The following RIMBP2 variants were observed in gnomAD, a reference collection of about 807,000 sequenced individuals.
RIMBP2 encodes the protein RIMS binding protein 2.
A neutral mutation model predicts 118.6 loss-of-function variants in RIMBP2; 48 were observed. The ratio of observed to expected loss-of-function variants is 0.40; its 90% CI spans 0.32 to 0.51. The LOEUF (loss-of-function observed/expected upper bound fraction) is 0.51, where lower values mean the gene tolerates loss of function less well. Among genes scored for constraint, RIMBP2 ranks in the 20% least tolerant of loss-of-function variants. The pLI is 0.41. For synonymous variants in RIMBP2, 762 were observed against 742.9 expected (o/e 1.03, Z -0.42); for missense variants, 1,551 against 1,768.3 (o/e 0.88, Z 2.20).
chr12:130,599,901 C>T (rs1366707349), intron 2 of RIMBP2, among the ~76,000 whole-genome samples: 2 of 152,162 alleles, frequency 1.3e-5, no homozygotes, highest in Non-Finnish European at 2.9e-5. Flanking sequence ...GAGGGTAAAC[C>T]TGCCCCATTC....
intron 3 of RIMBP2, among the ~76,000 whole-genome samples, chr12:130,512,301 A>G (rs550257674): frequency 2.9e-4 from 44 of 150,348 alleles, no homozygotes; most frequent in Admixed American, 1.1e-3. Flanking sequence ...CGCTGCATCA[A>G]GGTCTCTGCC....
rs148236801 is a variant in RIMBP2, at chr12:130,407,504, G to A, written c.3693+222C>T. 3.5e-3 allele frequency among the ~76,000 whole-genome samples: 531 copies of A among 152,300 alleles called. 3 individuals carry two copies. Among genetic ancestry groups the A allele is most frequent in the African/African-American group, 0.011 (456 of 41,560 alleles). On this transcript the variant is annotated intron_variant, in intron 20 of 22. Transcript: ENST00000690449. The stretch of plus-strand genomic sequence containing the variant: ...GGCACAGGAAAATCTGGGCCATGGG[G>A]ACAGGGCTTGTCAGGGGCTGGCCAT...
intron 2 of RIMBP2, among the ~76,000 whole-genome samples, chr12:130,592,858 T>G (rs925898843): frequency 6.6e-6 from 1 of 152,060 alleles, no homozygotes; most frequent in Non-Finnish European, 1.5e-5. Context: ...GACAGCGAGC[T>G]GGTGAGGATC....
chr12:130,542,349 C>T (rs1235552872), intron 2 of RIMBP2, among the ~76,000 whole-genome samples: 1 of 152,122 alleles, frequency 6.6e-6, no homozygotes, highest in East Asian at 1.9e-4. Context: ...GCACATTTTC[C>T]ATAGGACATC....
At chr12:130,585,513 G>A (rs1427924902) in intron 2 of RIMBP2, among the ~76,000 whole-genome samples, 1 of 151,746 alleles carries the variant, frequency 6.6e-6, no homozygotes, top group African/African-American at 2.4e-5. Context: ...TCGGGAGGCT[G>A]AGGTGGGAGA....
In RIMBP2 at chr12:130,399,662, T is replaced by A. The variant is rs1245167395; in HGVS notation, c.3900+17A>T. 1 of 1,613,922 alleles carries A rather than the reference T, an allele frequency of 6.2e-7. No homozygotes were observed. The highest frequency in any genetic ancestry group is 2.2e-5 in the East Asian group (1 of 44,880). The stretch of plus-strand genomic sequence containing the variant: ...AGAACGGGACAGAGATTAAAAAGGC[T>A]AAATAGGTTTGCTTACCCTTTTTGC... On this transcript the variant is annotated intron_variant, in intron 22 of 22. Coordinates refer to ENST00000690449, the MANE Select transcript of RIMBP2 (RefSeq NM_001393629.1).
In RIMBP2 at chr12:130,617,650, A is replaced by C. The variant is rs372491209; in HGVS notation, c.-217+10672T>G. ...TTCAGCTGAAGCTTCAGAAAGTAAC[A>C]GAGAGGGCCTTGGGCTGAGTGTCTA... On this transcript the variant is annotated intron_variant, in intron 2 of 22. Coordinates refer to ENST00000690449, the MANE Select transcript of RIMBP2 (RefSeq NM_001393629.1). This position sits in a 1 kb window ranked among gnomAD's most constrained non-coding sequence, Gnocchi z 4.6. Among the ~76,000 whole-genome samples, 1 of 152,222 alleles carries C rather than the reference A, an allele frequency of 6.6e-6. No individual in the cohort carries two copies. The highest frequency in any genetic ancestry group is 1.9e-4 in the East Asian group (1 of 5,192).
intron 1 of RIMBP2, among the ~76,000 whole-genome samples, chr12:130,643,269 A>G (rs2062703797): frequency 1.3e-5 from 2 of 152,344 alleles, no homozygotes; most frequent in South Asian, 2.1e-4. Context: ...GGGCCACAGC[A>G]GCAGCTCCCC....
chr12:130,441,561 C>G (rs928435518), intron 11 of RIMBP2, among the ~76,000 whole-genome samples: 2 of 152,060 alleles, frequency 1.3e-5, no homozygotes, highest in Non-Finnish European at 2.9e-5. Context: ...AAGATGTAAC[C>G]GTGTCCCCTG....
chr12:130,701,547 C>T (rs1444342223), intron 1 of RIMBP2, among the ~76,000 whole-genome samples: 1 of 151,980 alleles, frequency 6.6e-6, no homozygotes, highest in East Asian at 1.9e-4. Context: ...CAGTCAGGCC[C>T]GCGTCTGAAC....
At chr12:130,443,519 G>A (rs967341105) in intron 10 of RIMBP2, among the ~76,000 whole-genome samples, 9 of 152,186 alleles carry the variant, frequency 5.9e-5, no homozygotes, top group Admixed American at 3.3e-4. Context: ...GGGAAATGCT[G>A]AGCATTGGAT....
rs571807251 is a variant in RIMBP2 at position 130,450,124 on chromosome 12, C to T, written c.581+76G>A. 2.1e-5 allele frequency: 20 copies of T among 952,760 alleles called. No homozygotes were observed. The African/African-American group carries it at 2.9e-4, about 14-fold the overall frequency. 59.0% of individuals were successfully genotyped at this position (952,760 alleles called of 1,614,324 possible). ...CTGGGAGAAGGGAACTTCTCAGACC[C>T]CAGAGTGTTCCCAGACCCAACATCT... On this transcript the variant is annotated intron_variant, in intron 9 of 22. Coordinates refer to ENST00000690449, the MANE Select transcript of RIMBP2 (RefSeq NM_001393629.1). This position sits in a 1 kb window ranked among gnomAD's most constrained non-coding sequence, Gnocchi z 4.8.
Position 130,450,009 on chromosome 12 carries a change from C to T in RIMBP2, c.581+191G>A, listed in dbSNP as rs1357798281. Among the ~76,000 whole-genome samples, 7 of 152,024 alleles carry T rather than the reference C, an allele frequency of 4.6e-5. No individual in the cohort carries two copies. In the East Asian group the frequency reaches 1.4e-3, roughly 30 times the overall value. On this transcript the variant is annotated intron_variant, in intron 9 of 22. Transcript: ENST00000690449. The surrounding 1 kb of genome is among the most constrained non-coding windows in gnomAD (Gnocchi z 4.8). ...GGTTTGTGACCTCCTGTCATGGCAG[C>T]CCTGGGAGACTTGCGTGCCACCCAA...
At chr12:130,619,907 G>C (rs775929788) in intron 2 of RIMBP2, among the ~76,000 whole-genome samples, 1 of 152,196 alleles carries the variant, frequency 6.6e-6, no homozygotes, top group Non-Finnish European at 1.5e-5. Context: ...TGTGGGCAAA[G>C]AGGTGGCCCT....
rs763250748 is a variant in RIMBP2, at chr12:130,438,556, A to G, written c.1505-40T>C. On this transcript the variant is annotated intron_variant, in intron 11 of 22. Coordinates refer to ENST00000690449, the MANE Select transcript of RIMBP2 (RefSeq NM_001393629.1). Reference sequence around the variant, plus strand: ...AAGGGAACGGAGGCGTTCAGGGACCAGCCCTGGCAGGTGAGCCGTGACTGG... The same window carrying G: ...AAGGGAACGGAGGCGTTCAGGGACCGGCCCTGGCAGGTGAGCCGTGACTGG... 4.0e-6 allele frequency: 6 copies of G among 1,505,562 alleles called. No individual in the cohort carries two copies. The African/African-American group carries it at 7.0e-5, about 18-fold the overall frequency. 93.3% of individuals were successfully genotyped at this position (1,505,562 alleles called of 1,614,324 possible). A position where few individuals can be genotyped will look rare whatever the true frequency, so the allele number is the denominator to read the frequency against.
chr12:130,606,006 T>G (rs1156272343), intron 2 of RIMBP2, among the ~76,000 whole-genome samples: 1 of 151,854 alleles, frequency 6.6e-6, no homozygotes, highest in Admixed American at 6.6e-5. Context: ...AGGCAGAGGT[T>G]GCAGTAAGCC....
chr12:130,515,838 C>T (rs886864858), intron 3 of RIMBP2, among the ~76,000 whole-genome samples: 1 of 152,090 alleles, frequency 6.6e-6, no homozygotes, highest in African/African-American at 2.4e-5. Flanking sequence ...GCTGGGATTC[C>T]AGGCGTGCAC....
intron 11 of RIMBP2, among the ~76,000 whole-genome samples, chr12:130,438,891 A>AG (rs1189762450): frequency 6.6e-6 from 1 of 152,062 alleles, no homozygotes; most frequent in Non-Finnish European, 1.5e-5. Context: ...TAGCTCAGAG[A>AG]GGGGCCAACG....
chr12:130,636,461 A>G (rs532793413), intron 1 of RIMBP2, among the ~76,000 whole-genome samples: 21 of 152,186 alleles, frequency 1.4e-4, no homozygotes, highest in African/African-American at 4.8e-4. Flanking sequence ...CACCTTGAAC[A>G]CTCATTGGAC....
Sources: allele counts gnomAD v4.1 joint callset (sites outside exome capture counted in the v4.1 genomes callset), GRCh38; gene constraint gnomAD v4.1.1; non-coding constraint Gnocchi (gnomAD v3.1); transcripts MANE v1.5; gene names NCBI Gene and HGNC (gene_info 2026-07-23, HGNC 2026-07-21).